TAFA2: variants seen among roughly 807,000 people sequenced by gnomAD.
TAFA2 encodes chemokine-like protein TAFA-2.
In TAFA2, 7 loss-of-function variants were observed where a neutral mutation model predicts 18.8. The ratio of observed to expected loss-of-function variants is 0.37; its 90% CI spans 0.21 to 0.70. TAFA2 has a LOEUF of 0.70. Ranked by LOEUF, TAFA2 falls within the 30% of genes least tolerant of loss-of-function variation. The pLI is 0.53. For missense variants in TAFA2, 122 were observed against 158.1 expected, an observed-to-expected ratio of 0.77 and a Z score of 1.23; for synonymous variants, 60 against 54.2, an observed-to-expected ratio of 1.11 and a Z score of -0.47.
intron 1 of TAFA2, among the ~76,000 whole-genome samples, chr12:62,250,222 T>C (rs1047379429): frequency 6.6e-6 from 1 of 152,234 alleles, no homozygotes; most frequent in Non-Finnish European, 1.5e-5. Flanking sequence ...AAGTTAACAG[T>C]AATTTTCCCC....
At chr12:62,053,510 T>C (rs1170394990) in intron 1 of TAFA2, among the ~76,000 whole-genome samples, 1 of 152,206 alleles carries the variant, frequency 6.6e-6, no homozygotes. Flanking sequence ...CATTAACAAA[T>C]TGAAAATTTT....
chr12:62,009,195 T>C (rs77183353), intron 1 of TAFA2, among the ~76,000 whole-genome samples: 1 of 152,140 alleles, frequency 6.6e-6, no homozygotes, highest in African/African-American at 2.4e-5. Flanking sequence ...TTAAACAAAT[T>C]ATTTGAAAGT....
intron 1 of TAFA2, among the ~76,000 whole-genome samples, chr12:62,088,947 T>G (rs2136831103): frequency 6.6e-6 from 1 of 152,164 alleles, no homozygotes; most frequent in South Asian, 2.1e-4. Context: ...CGCACGCATC[T>G]GTCTCACATA....
chr12:61,876,565 C>T (rs1203291233), intron 1 of TAFA2, among the ~76,000 whole-genome samples: 2 of 152,136 alleles, frequency 1.3e-5, no homozygotes, highest in East Asian at 3.9e-4. Context: ...CTCCTCAACA[C>T]AGATTGTTCT....
chr12:61,955,474 C>T (rs1406570290), intron 1 of TAFA2, among the ~76,000 whole-genome samples: 1 of 149,670 alleles, frequency 6.7e-6, no homozygotes, highest in African/African-American at 2.5e-5. Flanking sequence ...TGATGGCGTG[C>T]ACCTGTAGAC....
At chr12:62,188,229 T>A (rs2062598599) in intron 1 of TAFA2, among the ~76,000 whole-genome samples, 1 of 152,214 alleles carries the variant, frequency 6.6e-6, no homozygotes, top group Non-Finnish European at 1.5e-5. Flanking sequence ...CCCCAAGTTG[T>A]GATTTTTCAC....
chr12:62,159,907 T>C (rs1315494355), intron 1 of TAFA2, among the ~76,000 whole-genome samples: 1 of 152,180 alleles, frequency 6.6e-6, no homozygotes, highest in East Asian at 1.9e-4. Flanking sequence ...AGGGGAAGAC[T>C]GTATTGGATG....
intron 1 of TAFA2, among the ~76,000 whole-genome samples, chr12:62,051,291 C>T (rs1882046509): frequency 6.6e-6 from 1 of 152,158 alleles, no homozygotes; most frequent in African/African-American, 2.4e-5. Context: ...TGCAAAAGGA[C>T]TTCATTCAGA....
At chr12:61,810,572 A>G (rs1469987647) in intron 2 of TAFA2, among the ~76,000 whole-genome samples, 2 of 151,374 alleles carry the variant, frequency 1.3e-5, no homozygotes, top group Admixed American at 1.3e-4. Context: ...ATGTGGCAGA[A>G]ATAGCTATCT....
chr12:62,104,212 A>G (rs1869341383), intron 1 of TAFA2, among the ~76,000 whole-genome samples: 1 of 152,060 alleles, frequency 6.6e-6, no homozygotes, highest in Non-Finnish European at 1.5e-5. Flanking sequence ...CAAACGTGCC[A>G]TTTAGCTAAT....
At chr12:61,837,304 C>T (rs1872974457) in intron 2 of TAFA2, among the ~76,000 whole-genome samples, 1 of 151,800 alleles carries the variant, frequency 6.6e-6, no homozygotes, top group Admixed American at 6.6e-5. Flanking sequence ...TTATGTGGTG[C>T]ACCTTTGTTA....
At chr12:61,721,312 G>A (rs1045536453) in intron 4 of TAFA2, among the ~76,000 whole-genome samples, 1 of 152,138 alleles carries the variant, frequency 6.6e-6, no homozygotes, top group African/African-American at 2.4e-5. Context: ...AGCGCAAAGT[G>A]TAAAATAACT....
At chr12:61,922,136 G>C (rs1877079001) in intron 1 of TAFA2, among the ~76,000 whole-genome samples, 1 of 152,088 alleles carries the variant, frequency 6.6e-6, no homozygotes, top group South Asian at 2.1e-4. Flanking sequence ...GCAAAATAAT[G>C]GAGCAGTTGG....
chr12:61,788,404 A>G (rs7485627), intron 2 of TAFA2, among the ~76,000 whole-genome samples: 15,939 of 151,712 alleles, frequency 0.11, 1,090 homozygotes, highest in East Asian at 0.19. Flanking sequence ...CAGAATACAC[A>G]TTTTTCTCAA....
chr12:61,814,120 T>C (rs1871982718), intron 2 of TAFA2, among the ~76,000 whole-genome samples: 1 of 151,378 alleles, frequency 6.6e-6, no homozygotes, highest in Non-Finnish European at 1.5e-5. Context: ...GCAGTAATAA[T>C]ATCTCTTTTG....
At chr12:61,778,697 C>A (rs781020681) in intron 2 of TAFA2, among the ~76,000 whole-genome samples, 1 of 151,840 alleles carries the variant, frequency 6.6e-6, no homozygotes, top group Non-Finnish European at 1.5e-5. Context: ...TTATGTCGAC[C>A]TGGGTTTGAG....
chr12:62,031,575 G>C lies in TAFA2; in HGVS notation c.-2+159684C>G, dbSNP rs535263376. ...TAAAGAGCCCTGACTAATACAGTAA[G>C]AGCTGAGTTGTCTGTTTTAGGGTGT... On this transcript the variant is annotated intron_variant, in intron 1 of 4. Coordinates refer to ENST00000416284, the MANE Select transcript of TAFA2 (RefSeq NM_178539.5). Among the ~76,000 whole-genome samples the C allele has an allele frequency of 5.1e-4, 77 of 152,214 alleles. No homozygotes were observed. The South Asian group carries it at 0.015, about 30-fold the overall frequency.
intron 1 of TAFA2, chr12:62,140,134 G>A (rs907002263): frequency 6.6e-6 from 1 of 152,118 alleles, no homozygotes. Flanking sequence ...CTGGGAAGTT[G>A]GCAGATTTTA....
At chr12:62,174,966 C>T (rs1237787871) in intron 1 of TAFA2, among the ~76,000 whole-genome samples, 1 of 152,130 alleles carries the variant, frequency 6.6e-6, no homozygotes, top group East Asian at 1.9e-4. Context: ...CCCTGTTTCA[C>T]TAAGTATCCA....
Sources: allele counts gnomAD v4.1 joint callset (sites outside exome capture counted in the v4.1 genomes callset), GRCh38; gene constraint gnomAD v4.1.1; transcripts MANE v1.5; gene names NCBI Gene and HGNC (gene_info 2026-07-23, HGNC 2026-07-21).